Variants in RNFT2 observed in about 807,000 individuals in gnomAD.
RNFT2 encodes E3 ubiquitin-protein ligase RNFT2.
In RNFT2, 36 loss-of-function variants were observed where a neutral mutation model predicts 53.0. That is an observed-to-expected ratio of 0.68 (90% CI 0.52 to 0.90). RNFT2 has a LOEUF of 0.90. Ranked by LOEUF, RNFT2 falls within the 40% of genes least tolerant of loss-of-function variation. The probability of loss-of-function intolerance (pLI) is 0.00; values close to 1 mark genes in which losing one functional copy is unlikely to be tolerated. For synonymous variants in RNFT2, 260 were observed against 253.2 expected, an observed-to-expected ratio of 1.03 and a Z score of -0.26; for missense variants, 514 against 585.6, an observed-to-expected ratio of 0.88 and a Z score of 1.26.
Position 116,852,520 on chromosome 12 carries a change from A to G in RNFT2, c.*3072A>G. 6.5e-7 allele frequency: 1 copy of G among 1,547,458 alleles called. No homozygotes were observed. The highest frequency in any genetic ancestry group is 1.4e-5 in the African/African-American group (1 of 73,194). ...CACTTGCCTGAATAATCAAGTGGGA[A>G]GGGGAAGCAGAGGGAAATGGGGCCA... On this transcript the variant is annotated 3_prime_UTR_variant, in exon 11 of 11. Transcript: ENST00000257575.
chr12:116,835,874 G>A (rs1876932981), intron 8 of RNFT2, 86 bp from the exon 9 acceptor site: 1 of 1,407,006 alleles, frequency 7.1e-7, no homozygotes, highest in Non-Finnish European at 1.0e-6. Context: ...AATGGGTGGA[G>A]GGTCAGAGGA....
chr12:116,765,032 C>G (rs1189984494), intron 5 of RNFT2, among the ~76,000 whole-genome samples: 2 of 152,156 alleles, frequency 1.3e-5, no homozygotes, highest in East Asian at 3.9e-4. Context: ...TCCAGGGGTC[C>G]TTGATGCTCA....
chr12:116,817,596 T>C (rs1266128883), intron 7 of RNFT2, among the ~76,000 whole-genome samples: 2 of 152,238 alleles, frequency 1.3e-5, no homozygotes, highest in Non-Finnish European at 2.9e-5. Flanking sequence ...ACACTACTGA[T>C]TGGGAAACCA....
chr12:116,762,636 G>C (rs1305397470), intron 5 of RNFT2, among the ~76,000 whole-genome samples: 2 of 149,782 alleles, frequency 1.3e-5, no homozygotes, highest in Non-Finnish European at 3.0e-5. Flanking sequence ...CTGGAGTGCA[G>C]TGGTGCAATC....
At chr12:116,760,617 T>G (rs1013517534) in intron 5 of RNFT2, among the ~76,000 whole-genome samples, 4 of 152,174 alleles carry the variant, frequency 2.6e-5, no homozygotes, top group African/African-American at 7.2e-5. Flanking sequence ...GCTTCCCCCG[T>G]GAGGGTGAGT....
chr12:116,812,856 G>A (rs1875456069), intron 7 of RNFT2, among the ~76,000 whole-genome samples: 1 of 152,136 alleles, frequency 6.6e-6, no homozygotes, highest in Non-Finnish European at 1.5e-5. Context: ...ATCTTAGGAG[G>A]AGGAAACCAT....
intron 4 of RNFT2, among the ~76,000 whole-genome samples, chr12:116,750,783 C>CTA (rs1246843249): frequency 8.3e-6 from 1 of 120,944 alleles, no homozygotes; most frequent in African/African-American, 3.2e-5. Flanking sequence ...ATTATTTTTA[C>CTA]TATATGTGTG....
At chr12:116,822,213 C>T (rs937361816) in intron 7 of RNFT2, among the ~76,000 whole-genome samples, 1 of 152,112 alleles carries the variant, frequency 6.6e-6, no homozygotes, top group African/African-American at 2.4e-5. Context: ...AGTGCTGCCC[C>T]CATGGTTGTG....
Position 116,852,957 on chromosome 12 carries a change from G to C in RNFT2, c.*3509G>C. The stretch of plus-strand genomic sequence containing the variant: ...TCTAACACTGCAAAGAGTGAGCCAT[G>C]CCTGTTAACACTGTAAAGAATGTAA... On this transcript the variant is annotated 3_prime_UTR_variant, in exon 11 of 11. Transcript: ENST00000257575. 3.4e-6 allele frequency: 2 copies of C among 583,234 alleles called. No individual in the cohort carries two copies. Among genetic ancestry groups the C allele is most frequent in the South Asian group, 4.6e-5 (2 of 43,240 alleles). The allele number at this position is 583,234 out of a possible 1,614,324, so 36.1% of individuals were successfully genotyped here. A position where few individuals can be genotyped will look rare whatever the true frequency, so the allele number is the denominator to read the frequency against.
rs1191859765 is a variant in RNFT2, at chr12:116,749,889, C to T, written c.132C>T (p.Gly44=). 3 of 1,589,418 alleles carry T rather than the reference C, an allele frequency of 1.9e-6. No individual in the cohort carries two copies. The highest frequency in any genetic ancestry group is 2.3e-5 in the East Asian group (1 of 43,704). ...CCGAGGCGAGTGTGGATGAAGGTGG[C>T]GTCTTTGAGAGTCTGAAGGCAGAGG... is the stretch of plus-strand genomic sequence containing the variant. ...LSSEASVDEG[G]VFESLKAEAA... is the part of the protein sequence containing the mutation. Residue 44 remains glycine, a synonymous_variant, in exon 4 of 11, where the codon GGC becomes GGT. Transcript: ENST00000257575.
intron 5 of RNFT2, 60 bp from the exon 6 acceptor site, chr12:116,766,754 A>T: frequency 2.3e-6 from 3 of 1,307,630 alleles, no homozygotes; most frequent in Non-Finnish European, 3.2e-6. Context: ...ATCAGGGTAC[A>T]TTCTGGAAGG....
chr12:116,831,353 G>A (rs1364653198), intron 7 of RNFT2, among the ~76,000 whole-genome samples: 1 of 152,138 alleles, frequency 6.6e-6, no homozygotes, highest in Non-Finnish European at 1.5e-5. Flanking sequence ...GAGGGTTCAG[G>A]ATGTCAAAAT....
At chr12:116,777,877 C>A (rs1873505291) in intron 6 of RNFT2, among the ~76,000 whole-genome samples, 3 of 152,134 alleles carry the variant, frequency 2.0e-5, no homozygotes. Context: ...GATACCAACG[C>A]CTTTATGCTT....
Position 116,797,959 on chromosome 12 carries a change from T to C in RNFT2, c.882+18611T>C, listed in dbSNP as rs181533211. Among the ~76,000 whole-genome samples the C allele has an allele frequency of 2.6e-3, 391 of 152,274 alleles. 2 individuals are homozygous for C. Among genetic ancestry groups the C allele is most frequent in the African/African-American group, 9.1e-3 (377 of 41,544 alleles). On this transcript the variant is annotated intron_variant, in intron 7 of 10. Coordinates refer to ENST00000257575, the MANE Select transcript of RNFT2 (RefSeq NM_001382266.1). ...ATGGTAAACTAACATGGCATACTGTTGGGCATGGCTTATGGAAAGCTGCCT... is the reference window on the plus strand; with the variant it reads ...ATGGTAAACTAACATGGCATACTGTCGGGCATGGCTTATGGAAAGCTGCCT...
At chr12:116,750,881 T>TATTA (rs1438371204) in intron 4 of RNFT2, among the ~76,000 whole-genome samples, 1 of 93,080 alleles carries the variant, frequency 1.1e-5, no homozygotes, top group Non-Finnish European at 2.0e-5. Context: ...AATATATATA[T>TATTA]TATATATATA....
chr12:116,784,106 C>T (rs1483437518), intron 7 of RNFT2, among the ~76,000 whole-genome samples: 1 of 152,176 alleles, frequency 6.6e-6, no homozygotes, highest in Non-Finnish European at 1.5e-5. Flanking sequence ...GCAGTCAGGC[C>T]CCTGAGTCTG....
rs1265811103 is a variant in RNFT2, at chr12:116,852,867, AC to A, written c.*3420del. 2.9e-6 allele frequency: 2 copies of A among 680,594 alleles called. No homozygotes were observed. The highest frequency in any genetic ancestry group is 5.0e-6 in the Non-Finnish European group (2 of 398,524). 42.2% of individuals were successfully genotyped at this position (680,594 alleles called of 1,614,324 possible). On this transcript the variant is annotated 3_prime_UTR_variant, in exon 11 of 11. Coordinates refer to ENST00000257575, the MANE Select transcript of RNFT2 (RefSeq NM_001382266.1). ...ACCAAGGAAACTAACAATGTAGGTTACTAGTGAATACCCCAATGGTTTCTCC... is the reference window on the plus strand; with the variant it reads ...ACCAAGGAAACTAACAATGTAGGTTATAGTGAATACCCCAATGGTTTCTCC...
chr12:116,740,404 G>T lies in RNFT2; in HGVS notation c.-94G>T, dbSNP rs150876261. On this transcript the variant is annotated 5_prime_UTR_variant, in exon 2 of 11. Transcript: ENST00000257575. ...ATCCCTCTGGAGACGAAGAGGAGGG[G>T]GAGGCCTGTCCTCTCTGGGATCCAT... The T allele has an allele frequency of 1.0e-5, 13 of 1,270,858 alleles. No homozygotes were observed. The highest frequency in any genetic ancestry group is 1.2e-5 in the Non-Finnish European group (11 of 893,592). The allele number at this position is 1,270,858 out of a possible 1,614,324, so 78.7% of individuals were successfully genotyped here.
Position 116,849,811 on chromosome 12 carries a change from T to A in RNFT2, c.*363T>A. The A allele has an allele frequency of 1.5e-6, 1 of 665,430 alleles. No homozygotes were observed. The highest frequency in any genetic ancestry group is 1.9e-6 in the Non-Finnish European group (1 of 538,826). The allele number at this position is 665,430 out of a possible 1,614,324, so 41.2% of individuals were successfully genotyped here. A position where few individuals can be genotyped will look rare whatever the true frequency, so the allele number is the denominator to read the frequency against. ...CTTTTCTTTTCTTTCTCTCTCTCTCTGTTTCCCTCCCTCCCTCCTTCCTTC... is the reference window on the plus strand; with the variant it reads ...CTTTTCTTTTCTTTCTCTCTCTCTCAGTTTCCCTCCCTCCCTCCTTCCTTC... On this transcript the variant is annotated 3_prime_UTR_variant, in exon 11 of 11. Transcript: ENST00000257575.
Sources: gnomAD v4.1 joint callset for allele counts (sites outside exome capture counted in the v4.1 genomes callset) on GRCh38, gnomAD v4.1.1 for gene constraint, MANE v1.5 for transcripts, NCBI Gene and HGNC (gene_info 2026-07-23, HGNC 2026-07-21) for gene names.